HMCN1: variants seen among roughly 807,000 people sequenced by gnomAD.
HMCN1 encodes hemicentin 1.
A neutral mutation model predicts 625.9 loss-of-function variants in HMCN1; 321 were observed. The ratio of observed to expected loss-of-function variants is 0.51; its 90% CI spans 0.47 to 0.56. The LOEUF is 0.56. HMCN1 is among the 20% of genes least tolerant of loss of function. The pLI, the probability that HMCN1 is intolerant of heterozygous loss-of-function variation, is 0.00. For synonymous variants in HMCN1, 2,425 were observed against 2,417.6 expected, an observed-to-expected ratio of 1.00 and a Z score of -0.09; for missense variants, 6,588 against 6,887.3, an observed-to-expected ratio of 0.96 and a Z score of 1.54.
At chr1:186,063,960 T>C (rs1657944296) in intron 48 of HMCN1, among the ~76,000 whole-genome samples, 1 of 152,196 alleles carries the variant, frequency 6.6e-6, no homozygotes, top group African/African-American at 2.4e-5. Flanking sequence ...TAACATTTTA[T>C]GGAAAGTCAG....
At chr1:185,753,336 A>G (rs566339196) in intron 1 of HMCN1, among the ~76,000 whole-genome samples, 23 of 152,168 alleles carry the variant, frequency 1.5e-4, no homozygotes, top group African/African-American at 5.5e-4. Context: ...TTTCATTCCC[A>G]ATATTACTTG....
intron 4 of HMCN1, among the ~76,000 whole-genome samples, chr1:185,878,778 T>G (rs1664110359): frequency 6.6e-6 from 1 of 152,230 alleles, no homozygotes; most frequent in African/African-American, 2.4e-5. Context: ...TGTACTCAGT[T>G]AATAGTTATT....
At chr1:185,912,433 T>G (rs1007720028) in intron 6 of HMCN1, among the ~76,000 whole-genome samples, 1 of 152,200 alleles carries the variant, frequency 6.6e-6, no homozygotes, top group African/African-American at 2.4e-5. Flanking sequence ...ATATTTCCTC[T>G]AAGAAAGCAT....
At chr1:186,044,702 G>A (rs1297042681) in intron 40 of HMCN1, among the ~76,000 whole-genome samples, 1 of 152,042 alleles carries the variant, frequency 6.6e-6, no homozygotes, top group Non-Finnish European at 1.5e-5. Context: ...GCATAGTGAT[G>A]GGGTTTCATG....
At chr1:185,994,672 A>G in intron 23 of HMCN1, 143 bp from the exon 24 acceptor site, 1 of 761,118 alleles carries the variant, frequency 1.3e-6, no homozygotes, top group East Asian at 2.7e-5. Flanking sequence ...TCACCTAGCT[A>G]GTGAATGATC....
chr1:186,112,460 A>G (rs1192083547), intron 71 of HMCN1, among the ~76,000 whole-genome samples: 1 of 152,216 alleles, frequency 6.6e-6, no homozygotes, highest in African/African-American at 2.4e-5. Context: ...CACTAGGCTT[A>G]GGTCATCCTC....
intron 1 of HMCN1, among the ~76,000 whole-genome samples, chr1:185,820,443 A>AGCCCC (rs979532843): frequency 1.4e-4 from 22 of 152,156 alleles, no homozygotes; most frequent in African/African-American, 5.3e-4. Flanking sequence ...AAGCTGAGAC[A>AGCCCC]GCCCCGAATA....
At chr1:185,756,476 G>T (rs994386360) in intron 1 of HMCN1, among the ~76,000 whole-genome samples, 3 of 143,530 alleles carry the variant, frequency 2.1e-5, no homozygotes, top group African/African-American at 8.1e-5. Flanking sequence ...TTGACCTCAG[G>T]GTAAAAAAAA....
chr1:185,920,753 G>A (rs1451473600), intron 6 of HMCN1, among the ~76,000 whole-genome samples: 2 of 151,958 alleles, frequency 1.3e-5, no homozygotes, highest in African/African-American at 4.8e-5. Flanking sequence ...AGAACACTTG[G>A]CAGATGATTA....
intron 4 of HMCN1, among the ~76,000 whole-genome samples, chr1:185,869,884 C>G (rs1443370788): frequency 6.6e-6 from 1 of 152,076 alleles, no homozygotes; most frequent in East Asian, 1.9e-4. Context: ...TTACTCAAGA[C>G]TCTTCATCTA....
At position 186,151,786 on chromosome 1, in the gene HMCN1, GC is replaced by G. The variant is rs750158990; in HGVS notation, c.14896+45del. ...TTAATATTCTATTACTATAAAAAGT[GC>G]CATGAAGATAGGTGATTAAGAAAAA... is the stretch of plus-strand genomic sequence containing the variant. On this transcript the variant is annotated intron_variant, in intron 95 of 106. Transcript: ENST00000271588. 16 of 1,593,044 alleles carry G rather than the reference GC, an allele frequency of 1.0e-5. No homozygotes were observed. In the East Asian group the frequency reaches 3.1e-4, roughly 31 times the overall value.
In HMCN1 at chr1:186,151,597, T is replaced by A. The variant is rs1485356846; in HGVS notation, c.14759-9T>A. The A allele has an allele frequency of 1.2e-6, 2 of 1,610,148 alleles. No individual in the cohort carries two copies. Among genetic ancestry groups the A allele is most frequent in the Non-Finnish European group, 1.7e-6 (2 of 1,177,528 alleles). ...TGCTATCACCTTATTTATCCTTTTT[T>A]TTCTTTAGGTTCAGCAATGAGAAAG... is the stretch of plus-strand genomic sequence containing the variant. On this transcript the variant is annotated splice_polypyrimidine_tract_variant and intron_variant, in intron 94 of 106. Transcript: ENST00000271588.
At chr1:185,846,146 C>T (rs1661800420) in intron 2 of HMCN1, 50 bp downstream of exon 2, 2 of 1,352,848 alleles carry the variant, frequency 1.5e-6, no homozygotes, top group Non-Finnish European at 2.1e-6. Context: ...AATCATGAGC[C>T]TTTGGCTGAT....
chr1:186,133,163 GGTA>G (rs1662035785), intron 86 of HMCN1, among the ~76,000 whole-genome samples: 1 of 151,842 alleles, frequency 6.6e-6, no homozygotes, highest in South Asian at 2.1e-4. Context: ...CCCATTACTG[GGTA>G]TATACCCAAA....
At chr1:186,103,340 T>C (rs1660469240) in intron 68 of HMCN1, 132 bp from the exon 69 acceptor site, 2 of 727,688 alleles carry the variant, frequency 2.7e-6, no homozygotes, top group Non-Finnish European at 4.7e-6. Flanking sequence ...ATCTAGGAAT[T>C]ATTTCACTTT....
At chr1:186,103,419 C>A in intron 68 of HMCN1, 53 bp from the exon 69 acceptor site, 1 of 1,455,804 alleles carries the variant, frequency 6.9e-7, no homozygotes, top group Non-Finnish European at 9.6e-7. Flanking sequence ...TTCTAACGAG[C>A]AATATTTTAT....
intron 105 of HMCN1, among the ~76,000 whole-genome samples, chr1:186,183,103 G>A (rs1179155472): frequency 1.3e-5 from 2 of 152,204 alleles, no homozygotes; most frequent in Non-Finnish European, 1.5e-5. Flanking sequence ...GGAGTATTAT[G>A]TGGGTCTTAA....
chr1:185,802,852 T>C (rs1216891439), intron 1 of HMCN1, among the ~76,000 whole-genome samples: 1 of 152,098 alleles, frequency 6.6e-6, no homozygotes, highest in Non-Finnish European at 1.5e-5. Context: ...GGGAGAAAGA[T>C]GGAATGATAG....
At chr1:185,754,704 C>T (rs1170965488) in intron 1 of HMCN1, among the ~76,000 whole-genome samples, 1 of 151,912 alleles carries the variant, frequency 6.6e-6, no homozygotes, top group African/African-American at 2.4e-5. Flanking sequence ...ACAAATTAAC[C>T]AGGCATGATG....
Sources: gnomAD v4.1 joint callset for allele counts (sites outside exome capture counted in the v4.1 genomes callset) on GRCh38, gnomAD v4.1.1 for gene constraint, MANE v1.5 for transcripts, NCBI Gene and HGNC (gene_info 2026-07-23, HGNC 2026-07-21) for gene names.